GATAD2A: variants seen among roughly 807,000 people sequenced by gnomAD.
GATAD2A encodes GATA zinc finger domain containing 2A, also known as transcriptional repressor p66-alpha.
A neutral mutation model predicts 68.5 loss-of-function variants in GATAD2A; 12 were observed. The observed-to-expected ratio is 0.18, with a 90% CI of 0.11 to 0.28. The LOEUF is 0.28. Among genes scored for constraint, GATAD2A ranks in the 10% least tolerant of loss-of-function variants. The pLI is 1.00. For missense variants in GATAD2A, 755 were observed against 868.5 expected (o/e 0.87, Z 1.64); for synonymous variants, 410 against 375.3 (o/e 1.09, Z -1.07).
intron 2 of GATAD2A, among the ~76,000 whole-genome samples, chr19:19,469,445 A>AAAAAAG (rs1290727540): frequency 6.6e-6 from 1 of 152,122 alleles, no homozygotes; most frequent in East Asian, 1.9e-4. Context: ...AAAAAAGAAA[A>AAAAAAG]AAAGATCATC....
Position 19,482,130 on chromosome 19 carries a change from C to T in GATAD2A, c.270-10176C>T, listed in dbSNP as rs370799075. Among the ~76,000 whole-genome samples, 10 of 151,176 alleles carry T rather than the reference C, an allele frequency of 6.6e-5. No homozygotes were observed. The East Asian group carries it at 1.8e-3, about 27-fold the overall frequency. On this transcript the variant is annotated intron_variant, in intron 2 of 11. Transcript: ENST00000683918. Reference sequence around the variant, plus strand: ...TCAAAAAAAATAAAATATGACCGAGCGCGGTGGCTCATGCCTGTATCTCAG... The same window carrying T: ...TCAAAAAAAATAAAATATGACCGAGTGCGGTGGCTCATGCCTGTATCTCAG...
intron 1 of GATAD2A, among the ~76,000 whole-genome samples, chr19:19,440,845 A>G (rs1481307492): frequency 6.6e-6 from 1 of 152,234 alleles, no homozygotes; most frequent in Non-Finnish European, 1.5e-5. Context: ...GTTTGACTGT[A>G]AATGTTTTAG....
intron 8 of GATAD2A, among the ~76,000 whole-genome samples, chr19:19,498,977 C>T (rs1035411966): frequency 1.7e-4 from 26 of 152,098 alleles, no homozygotes; most frequent in Admixed American, 5.9e-4. Context: ...GTGACGTTGG[C>T]GTGTGGTGGG....
intron 1 of GATAD2A, among the ~76,000 whole-genome samples, chr19:19,422,561 G>C (rs1353144125): frequency 6.6e-6 from 1 of 152,174 alleles, no homozygotes; most frequent in African/African-American, 2.4e-5. Flanking sequence ...TGGGGATAGT[G>C]GTGAGGACAG....
At chr19:19,446,863 C>T (rs982360049) in intron 1 of GATAD2A, among the ~76,000 whole-genome samples, 3 of 152,164 alleles carry the variant, frequency 2.0e-5, no homozygotes, top group Admixed American at 2.0e-4. Context: ...AGTGCCTGGC[C>T]AGGTTTTGTT....
Position 19,505,698 on chromosome 19 carries a change from G to A in GATAD2A, c.*224G>A. 1 of 478,238 alleles carries A rather than the reference G, an allele frequency of 2.1e-6. No individual in the cohort carries two copies. The highest frequency in any genetic ancestry group is 3.8e-5 in the South Asian group (1 of 26,250). The allele number at this position is 478,238 out of a possible 1,614,324, so 29.6% of individuals were successfully genotyped here. A position where few individuals can be genotyped will look rare whatever the true frequency, so the allele number is the denominator to read the frequency against. ...CATAGGCAGACGAGGATCATCGCTG[G>A]GGGACCTTTCCCGTGGGCTTTCTTC... is the stretch of plus-strand genomic sequence containing the variant. On this transcript the variant is annotated 3_prime_UTR_variant, in exon 12 of 12. Transcript: ENST00000683918.
intron 1 of GATAD2A, among the ~76,000 whole-genome samples, chr19:19,409,221 G>C (rs776880501): frequency 2.0e-5 from 3 of 151,970 alleles, no homozygotes; most frequent in Non-Finnish European, 4.4e-5. Flanking sequence ...GCTTGGACTC[G>C]GGGTGTTTCT....
intron 1 of GATAD2A, chr19:19,429,143 C>T (rs1282053737): frequency 5.1e-6 from 5 of 973,132 alleles, no homozygotes; most frequent in South Asian, 9.5e-5. Context: ...TGAGGTGATG[C>T]GCAAGCGCCT....
At chr19:19,454,001 T>G (rs1175913329) in intron 1 of GATAD2A, among the ~76,000 whole-genome samples, 3 of 148,640 alleles carry the variant, frequency 2.0e-5, no homozygotes, top group Non-Finnish European at 4.5e-5. Context: ...ATTTTTTGTT[T>G]TTGTTTTGCT....
intron 5 of GATAD2A, among the ~76,000 whole-genome samples, chr19:19,494,847 C>T (rs2060039516): frequency 6.6e-6 from 1 of 152,196 alleles, no homozygotes; most frequent in South Asian, 2.1e-4. Context: ...CTGCCGTGGG[C>T]CGGCCAGTGT....
intron 1 of GATAD2A, among the ~76,000 whole-genome samples, chr19:19,394,967 C>T (rs1171647643): frequency 1.8e-4 from 28 of 152,076 alleles, no homozygotes; most frequent in Admixed American, 1.8e-3. Context: ...TTCCCTTCCA[C>T]CCAAGTTCTG....
chr19:19,428,565 G>A (rs1325700709), intron 1 of GATAD2A, among the ~76,000 whole-genome samples: 1 of 152,124 alleles, frequency 6.6e-6, no homozygotes, highest in East Asian at 1.9e-4. Flanking sequence ...AGCCAGGCTG[G>A]GCAGAATGTG....
intron 1 of GATAD2A, among the ~76,000 whole-genome samples, chr19:19,408,036 G>T (rs533677586): frequency 6.6e-6 from 1 of 152,306 alleles, no homozygotes; most frequent in East Asian, 1.9e-4. Flanking sequence ...ACGGAGTCTC[G>T]CTCTGTCATC....
chr19:19,502,065 G>A lies in GATAD2A; in HGVS notation c.1578+22G>A, dbSNP rs770090980. On this transcript the variant is annotated intron_variant, in intron 10 of 11. Transcript: ENST00000683918. ...ACAGGTCAGAACCGCACTGGGCGCC[G>A]GGAGCCTCGCGCCCCCACCGCAGCC... The A allele has an allele frequency of 3.5e-5, 56 of 1,582,946 alleles. No individual in the cohort carries two copies. The Admixed American group carries it at 4.2e-4, about 12-fold the overall frequency.
chr19:19,456,775 C>T (rs974169617), intron 1 of GATAD2A, among the ~76,000 whole-genome samples: 1 of 152,218 alleles, frequency 6.6e-6, no homozygotes, highest in Non-Finnish European at 1.5e-5. Context: ...CCAAATTGTA[C>T]AGGTCCAGTG....
At chr19:19,401,214 T>A (rs1297991170), upstream of GATAD2A, among the ~76,000 whole-genome samples, 532 of 113,688 alleles carry the variant, frequency 4.7e-3, 5 homozygotes, top group South Asian at 0.043. Flanking sequence ...AAACTTGGCT[T>A]TTTTTTTTTT....
intron 1 of GATAD2A, among the ~76,000 whole-genome samples, chr19:19,422,202 C>T (rs1302943540): frequency 6.6e-6 from 1 of 152,188 alleles, no homozygotes; most frequent in Non-Finnish European, 1.5e-5. Flanking sequence ...CATACTGAAG[C>T]CTCTTCCCAG....
intron 1 of GATAD2A, among the ~76,000 whole-genome samples, chr19:19,437,711 T>C (rs2054528952): frequency 6.6e-6 from 1 of 152,244 alleles, no homozygotes; most frequent in African/African-American, 2.4e-5. Context: ...GTCTGCCTTC[T>C]GTTAGCGTGG....
chr19:19,506,791 G>A lies in GATAD2A; in HGVS notation c.*1317G>A, dbSNP rs1600327173. ...GGCTGGGCCGGCTTCATGCCAGTGC[G>A]AGGGCGTCCCGTGCCCACGTACATA... On this transcript the variant is annotated 3_prime_UTR_variant, in exon 12 of 12. Coordinates refer to ENST00000683918, the MANE Select transcript of GATAD2A (RefSeq NM_001384528.1). The A allele has an allele frequency of 6.6e-6, 1 of 152,234 alleles. No homozygotes were observed. The highest frequency in any genetic ancestry group is 6.5e-5 in the Admixed American group (1 of 15,290). 9.4% of individuals were successfully genotyped at this position (152,234 alleles called of 1,614,324 possible). A position where few individuals can be genotyped will look rare whatever the true frequency, so the allele number is the denominator to read the frequency against.
Sources: gnomAD v4.1 joint callset for allele counts (sites outside exome capture counted in the v4.1 genomes callset) on GRCh38, gnomAD v4.1.1 for gene constraint, MANE v1.5 for transcripts, NCBI Gene and HGNC (gene_info 2026-07-23, HGNC 2026-07-21) for gene names.